KCNQ3: variants seen among roughly 807,000 people sequenced by gnomAD.
KCNQ3 encodes the protein potassium voltage-gated channel subfamily Q member 3, also known as potassium voltage-gated channel subfamily KQT member 3.
In KCNQ3, 30 loss-of-function variants were observed where a neutral mutation model predicts 92.5. The observed-to-expected ratio is 0.32, with a 90% CI of 0.24 to 0.44. KCNQ3 has a LOEUF of 0.44. KCNQ3 is among the 20% of genes least tolerant of loss of function. The pLI, the probability that KCNQ3 is intolerant of heterozygous loss-of-function variation, is 1.00. For synonymous variants in KCNQ3, 450 were observed against 468.8 expected (o/e 0.96, Z 0.52); for missense variants, 913 against 1,140.3 (o/e 0.80, Z 2.87).
At chr8:132,469,150 G>A (rs1283000484) in intron 1 of KCNQ3, among the ~76,000 whole-genome samples, 3 of 152,206 alleles carry the variant, frequency 2.0e-5, no homozygotes, top group Admixed American at 1.3e-4. Flanking sequence ...CCTTGGGGAA[G>A]CTAACATCCC....
chr8:132,202,410 G>A (rs533395769), intron 1 of KCNQ3, among the ~76,000 whole-genome samples: 1 of 151,898 alleles, frequency 6.6e-6, no homozygotes, highest in Non-Finnish European at 1.5e-5. Context: ...TTACATGGCC[G>A]GACTGGGAGC....
intron 4 of KCNQ3, among the ~76,000 whole-genome samples, chr8:132,177,611 G>A (rs1402770448): frequency 1.3e-5 from 2 of 152,192 alleles, no homozygotes; most frequent in Non-Finnish European, 2.9e-5. Flanking sequence ...TGTGCTGGGT[G>A]GTGGGAGCTC....
intron 1 of KCNQ3, among the ~76,000 whole-genome samples, chr8:132,354,350 C>T (rs930896): frequency 0.34 from 51,940 of 152,048 alleles, 9,865 homozygotes; most frequent in African/African-American, 0.5. Context: ...GTGAGAACAA[C>T]GGCCAACGAT....
At chr8:132,289,966 G>A (rs1194630761) in intron 1 of KCNQ3, among the ~76,000 whole-genome samples, 1 of 152,130 alleles carries the variant, frequency 6.6e-6, no homozygotes, top group Non-Finnish European at 1.5e-5. Context: ...TGTCTCTTTT[G>A]TAGACTCTTC....
rs550501751 is a variant in KCNQ3, at chr8:132,473,593, A to G, written c.386+6554T>C. Among the ~76,000 whole-genome samples, 48 of 152,332 alleles carry G rather than the reference A, an allele frequency of 3.2e-4. No homozygotes were observed. The South Asian group carries it at 5.2e-3, about 16-fold the overall frequency. On this transcript the variant is annotated intron_variant, in intron 1 of 14. Coordinates refer to ENST00000388996, the MANE Select transcript of KCNQ3 (RefSeq NM_004519.4). The stretch of plus-strand genomic sequence containing the variant: ...ATTAACTGATTAACGTTAACAACAC[A>G]AATATCTAACACTGAATGCTTCTTC...
intron 1 of KCNQ3, among the ~76,000 whole-genome samples, chr8:132,258,329 A>G (rs1160526581): frequency 6.6e-6 from 1 of 152,190 alleles, no homozygotes; most frequent in Admixed American, 6.5e-5. Context: ...ATGACAACGT[A>G]ATAAAATTAG....
chr8:132,478,705 C>T (rs779978657), intron 1 of KCNQ3, among the ~76,000 whole-genome samples: 3 of 152,048 alleles, frequency 2.0e-5, no homozygotes, highest in Non-Finnish European at 4.4e-5. Flanking sequence ...TGCCCCACTC[C>T]CACCCCACCC....
At chr8:132,170,313 T>C (rs1183008577) in intron 8 of KCNQ3, 21 bp downstream of exon 8, 1 of 1,573,746 alleles carries the variant, frequency 6.4e-7, no homozygotes, top group Non-Finnish European at 8.7e-7. Flanking sequence ...GCCCTGAGCA[T>C]TCAGGTGAGT....
chr8:132,470,530 A>G (rs1822274789), intron 1 of KCNQ3, among the ~76,000 whole-genome samples: 2 of 152,210 alleles, frequency 1.3e-5, no homozygotes, highest in Admixed American at 6.5e-5. Context: ...TGTAAACATC[A>G]TGACTTGTCA....
intron 1 of KCNQ3, among the ~76,000 whole-genome samples, chr8:132,420,013 T>C (rs1403893211): frequency 6.6e-6 from 1 of 152,180 alleles, no homozygotes; most frequent in Non-Finnish European, 1.5e-5. Flanking sequence ...CAGAAATTTA[T>C]TTCTCACAGT....
intron 9 of KCNQ3, among the ~76,000 whole-genome samples, chr8:132,149,262 A>G (rs1158284611): frequency 6.6e-6 from 1 of 152,212 alleles, no homozygotes; most frequent in Non-Finnish European, 1.5e-5. Context: ...GGCCGCAAAA[A>G]GTTCCTGCTG....
chr8:132,271,283 G>A (rs1032050317), intron 1 of KCNQ3, among the ~76,000 whole-genome samples: 1 of 152,220 alleles, frequency 6.6e-6, no homozygotes, highest in Non-Finnish European at 1.5e-5. Flanking sequence ...TCTAACCACA[G>A]CCTGAAACCC....
chr8:132,455,131 T>A (rs1821910931), intron 1 of KCNQ3, among the ~76,000 whole-genome samples: 1 of 152,224 alleles, frequency 6.6e-6, no homozygotes, highest in African/African-American at 2.4e-5. Context: ...GGTAAATTTT[T>A]TTTAAGACAG....
intron 1 of KCNQ3, among the ~76,000 whole-genome samples, chr8:132,417,489 T>C (rs980033905): frequency 1.3e-5 from 2 of 152,134 alleles, no homozygotes; most frequent in Non-Finnish European, 2.9e-5. Flanking sequence ...GGGTGGAGAA[T>C]AGATTTGGAG....
chr8:132,260,554 AAG>A (rs1320580574), intron 1 of KCNQ3, among the ~76,000 whole-genome samples: 2 of 152,176 alleles, frequency 1.3e-5, no homozygotes, highest in Non-Finnish European at 2.9e-5. Context: ...GGAAGAGAGG[AAG>A]AGAGTGTCTG....
At position 132,456,366 on chromosome 8, in the gene KCNQ3, A is replaced by AT. The variant is rs112220964; in HGVS notation, c.386+23780dup. ...TCCAAAGTCAGCATTTCCCACTGCT[A>AT]TTTTTTTTTCCAGATGAAAGCAACA... On this transcript the variant is annotated intron_variant, in intron 1 of 14. Transcript: ENST00000388996. 9.3e-5 allele frequency among the ~76,000 whole-genome samples: 14 copies of AT among 151,086 alleles called. 1 individual carries two copies. Among genetic ancestry groups the AT allele is most frequent in the Admixed American group, 4.0e-4 (6 of 15,130 alleles).
chr8:132,288,317 C>A (rs1816736766), intron 1 of KCNQ3, among the ~76,000 whole-genome samples: 1 of 152,192 alleles, frequency 6.6e-6, no homozygotes, highest in African/African-American at 2.4e-5. Flanking sequence ...TCCCATGTTA[C>A]TCTTTATAAA....
intron 1 of KCNQ3, among the ~76,000 whole-genome samples, chr8:132,473,960 A>T (rs1469884991): frequency 6.6e-6 from 1 of 152,198 alleles, no homozygotes; most frequent in African/African-American, 2.4e-5. Flanking sequence ...TGGAGCAAGC[A>T]TACCTCAGAA....
chr8:132,265,450 C>T (rs1815950337), intron 1 of KCNQ3, among the ~76,000 whole-genome samples: 1 of 152,162 alleles, frequency 6.6e-6, no homozygotes, highest in African/African-American at 2.4e-5. Context: ...AAGGAAAAAC[C>T]ACGGCATTAT....
Sources: allele counts gnomAD v4.1 joint callset (sites outside exome capture counted in the v4.1 genomes callset), GRCh38; gene constraint gnomAD v4.1.1; transcripts MANE v1.5; gene names NCBI Gene and HGNC (gene_info 2026-07-23, HGNC 2026-07-21).